MRPL3: variants seen among roughly 807,000 people sequenced by gnomAD.
MRPL3 encodes large ribosomal subunit protein uL3m.
In MRPL3, 43 loss-of-function variants were observed where a neutral mutation model predicts 44.3. That is an observed-to-expected ratio of 0.97 (90% CI 0.76 to 1.25). The LOEUF is 1.25. Ranked by LOEUF, MRPL3 falls within the 50% of genes most tolerant of loss-of-function variation. The pLI is 0.00. For synonymous variants in MRPL3, 171 were observed against 152.3 expected (o/e 1.12, Z -0.91); for missense variants, 406 against 427.6 (o/e 0.95, Z 0.45).
intron 4 of MRPL3, among the ~76,000 whole-genome samples, chr3:131,494,176 T>A (rs1385527251): frequency 6.6e-6 from 1 of 152,230 alleles, no homozygotes; most frequent in African/African-American, 2.4e-5. Flanking sequence ...CACTGAAGAC[T>A]GTTCTATACC....
intron 9 of MRPL3, among the ~76,000 whole-genome samples, chr3:131,466,076 T>A (rs1029244638): frequency 2.0e-5 from 3 of 151,916 alleles, no homozygotes; most frequent in Admixed American, 2.0e-4. Context: ...TTAAATGCAT[T>A]TTTTTCTTTA....
chr3:131,492,051 G>A (rs780035924), intron 4 of MRPL3, among the ~76,000 whole-genome samples: 4 of 151,980 alleles, frequency 2.6e-5, no homozygotes, highest in African/African-American at 4.8e-5. Context: ...AGACCTTTGC[G>A]CATCCTATTG....
At chr3:131,481,943 A>G (rs1484993732) in intron 6 of MRPL3, among the ~76,000 whole-genome samples, 30 of 152,224 alleles carry the variant, frequency 2.0e-4, no homozygotes, top group Non-Finnish European at 1.0e-4. Context: ...TCCGGAGTTT[A>G]CAACAAACAT....
At chr3:131,474,427 AG>A (rs1332420362) in intron 6 of MRPL3, among the ~76,000 whole-genome samples, 11 of 152,016 alleles carry the variant, frequency 7.2e-5, no homozygotes, top group African/African-American at 2.4e-4. Flanking sequence ...GGATGGGGAG[AG>A]GTTGGTTAAT....
intron 8 of MRPL3, among the ~76,000 whole-genome samples, chr3:131,468,802 G>A (rs1021910514): frequency 1.3e-5 from 2 of 151,730 alleles, no homozygotes; most frequent in Non-Finnish European, 2.9e-5. Context: ...GTAATAGAAG[G>A]GGTAAAAAAA....
intron 6 of MRPL3, among the ~76,000 whole-genome samples, chr3:131,484,060 T>C (rs2171189): frequency 0.74 from 113,037 of 152,044 alleles, 43,365 homozygotes; most frequent in African/African-American, 0.92. Flanking sequence ...TAATAAATAC[T>C]CACTTTTATT....
intron 9 of MRPL3, among the ~76,000 whole-genome samples, chr3:131,465,286 G>C (rs1239284662): frequency 6.6e-6 from 1 of 152,176 alleles, no homozygotes; most frequent in Non-Finnish European, 1.5e-5. Context: ...TATCGATTGA[G>C]AGTGAATAGA....
intron 6 of MRPL3, among the ~76,000 whole-genome samples, chr3:131,482,496 C>G (rs893191257): frequency 7.1e-6 from 1 of 140,544 alleles, no homozygotes; most frequent in Non-Finnish European, 1.5e-5. Context: ...GCCTGGGCAA[C>G]AGAGCAAGAC....
intron 6 of MRPL3, among the ~76,000 whole-genome samples, chr3:131,477,070 T>C (rs1428281339): frequency 2.0e-5 from 3 of 152,220 alleles, no homozygotes; most frequent in African/African-American, 7.2e-5. Context: ...AGAATTGTAT[T>C]CCCTTGCTAT....
chr3:131,476,928 C>G (rs1346212166), intron 6 of MRPL3, among the ~76,000 whole-genome samples: 1 of 152,092 alleles, frequency 6.6e-6, no homozygotes, highest in East Asian at 1.9e-4. Flanking sequence ...AATGGGCATG[C>G]CTTTTAGTTT....
chr3:131,497,355 A>C (rs1352109), intron 4 of MRPL3, among the ~76,000 whole-genome samples: 2 of 152,250 alleles, frequency 1.3e-5, no homozygotes, highest in African/African-American at 4.8e-5. Flanking sequence ...ATAAATGTTC[A>C]ATAAAAGTTA....
At chr3:131,493,091 TGAA>T (rs1320201004) in intron 4 of MRPL3, among the ~76,000 whole-genome samples, 2 of 152,158 alleles carry the variant, frequency 1.3e-5, no homozygotes, top group Non-Finnish European at 2.9e-5. Context: ...TAACCATAAA[TGAA>T]GAACCCGCAG....
chr3:131,502,684 C>T (rs1335037618), intron 1 of MRPL3, 46 bp downstream of exon 1: 20 of 1,532,272 alleles, frequency 1.3e-5, no homozygotes, highest in Admixed American at 1.9e-5. Context: ...CATTCCACTG[C>T]TTCAGGACGC....
chr3:131,470,076 A>G (rs1933707412), intron 7 of MRPL3, among the ~76,000 whole-genome samples: 1 of 152,050 alleles, frequency 6.6e-6, no homozygotes, highest in South Asian at 2.1e-4. Context: ...ATACAGACAC[A>G]CCGACACCAT....
chr3:131,501,356 A>G (rs1412441282), intron 2 of MRPL3, among the ~76,000 whole-genome samples, 175 bp downstream of exon 2: 1 of 152,150 alleles, frequency 6.6e-6, no homozygotes, highest in African/African-American at 2.4e-5. Context: ...ACATTCACTA[A>G]AACTAGACTA....
Position 131,500,317 on chromosome 3 carries a change from C to A in MRPL3, c.369+113G>T. 7.4e-6 allele frequency: 6 copies of A among 808,562 alleles called. No homozygotes were observed. The South Asian group carries it at 9.6e-5, about 13-fold the overall frequency. 50.1% of individuals were successfully genotyped at this position (808,562 alleles called of 1,614,324 possible). ...ATACTATTTATGTTCAACATCACCCCTTTCTTCACCATACAGTTCCATGTT... is the reference window on the plus strand; with the variant it reads ...ATACTATTTATGTTCAACATCACCCATTTCTTCACCATACAGTTCCATGTT... On this transcript the variant is annotated intron_variant, in intron 3 of 9. Coordinates refer to ENST00000264995, the MANE Select transcript of MRPL3 (RefSeq NM_007208.4).
At chr3:131,500,299 T>C (rs1175214873) in intron 3 of MRPL3, 131 bp downstream of exon 3, 18 of 687,568 alleles carry the variant, frequency 2.6e-5, no homozygotes, top group Non-Finnish European at 4.2e-5. Context: ...TTAATACTAT[T>C]TATGTTCAAC....
intron 8 of MRPL3, 141 bp from the exon 9 acceptor site, chr3:131,468,309 C>T (rs1933667148): frequency 3.9e-6 from 2 of 508,920 alleles, no homozygotes; most frequent in Non-Finnish European, 7.1e-6. Context: ...AACTGAAAAA[C>T]TTCAAGTCCT....
At position 131,501,527 on chromosome 3, in the gene MRPL3, T is replaced by G. The variant is rs77947063; in HGVS notation, c.277+4A>C. 4.8e-3 allele frequency: 7,749 copies of G among 1,608,034 alleles called. 291 individuals are homozygous for G. In the African/African-American group the frequency reaches 0.087, roughly 18 times the overall value. On this transcript the variant is annotated splice_donor_region_variant and intron_variant, in intron 2 of 9. Coordinates refer to ENST00000264995, the MANE Select transcript of MRPL3 (RefSeq NM_007208.4). ...TGAGAGCTCATCAAATACAAAATAA[T>G]CACCTGGTTCCCAAGGATGTATAGG...
Sources: allele counts gnomAD v4.1 joint callset (sites outside exome capture counted in the v4.1 genomes callset), GRCh38; gene constraint gnomAD v4.1.1; transcripts MANE v1.5; gene names NCBI Gene and HGNC (gene_info 2026-07-23, HGNC 2026-07-21).